Variants in FRY observed in about 807,000 individuals in gnomAD.
The protein encoded by FRY is protein furry homolog.
A neutral mutation model predicts 348.4 loss-of-function variants in FRY; 128 were observed. The ratio of observed to expected loss-of-function variants is 0.37; its 90% CI spans 0.32 to 0.43. The LOEUF (loss-of-function observed/expected upper bound fraction) is 0.43, where lower values mean the gene tolerates loss of function less well. Ranked by LOEUF, FRY falls within the 20% of genes least tolerant of loss-of-function variation. FRY has a pLI of 1.00. For synonymous variants in FRY, 1,370 were observed against 1,374.7 expected (o/e 1.00, Z 0.08); for missense variants, 2,736 against 3,695.2 (o/e 0.74, Z 6.73).
Position 32,157,393 on chromosome 13 carries a change from A to G in FRY, c.1772A>G (p.Glu591Gly). ...GTACAGATGTTAAACAAAGAACCGG[A>G]AGACATGATCACGTGAGTACAGTAA... is the stretch of plus-strand genomic sequence containing the variant. The part of the protein sequence containing the change: ...TNVQMLNKEP[E>G]DMITGERKPK... Residue 591 changes from glutamate to glycine, a missense_variant, in exon 16 of 61, where the codon GAA (glutamate) becomes GGA (glycine). By Grantham distance (98) the Glu-to-Gly change is moderately conservative. Transcript: ENST00000542859. 6.2e-7 allele frequency: 1 copy of G among 1,613,550 alleles called. No homozygotes were observed. The highest frequency in any genetic ancestry group is 8.5e-7 in the Non-Finnish European group (1 of 1,179,596).
Position 32,032,013 on chromosome 13 carries a change from CTTTCTTTCTT to C in FRY, c.70+160_70+169del, listed in dbSNP as rs1426071352. 31 of 615,046 alleles carry C rather than the reference CTTTCTTTCTT, an allele frequency of 5.0e-5. 1 individual carries two copies. Among genetic ancestry groups the C allele is most frequent in the Middle Eastern group, 4.3e-4 (1 of 2,348 alleles). The allele number at this position is 615,046 out of a possible 1,614,324, so 38.1% of individuals were successfully genotyped here. ...TCTTTTCTTTTCTCTTTCTTTCTTTCTTTCTTTCTTTTTCTTTCTTTCTTTCTTTCTTTTT... is the reference window on the plus strand; with the variant it reads ...TCTTTTCTTTTCTCTTTCTTTCTTTCTTTCTTTCTTTCTTTCTTTCTTTTT... On this transcript the variant is annotated intron_variant, in intron 1 of 60. Coordinates refer to ENST00000542859, the MANE Select transcript of FRY (RefSeq NM_023037.3).
At chr13:32,111,767 T>G (rs1163614136) in intron 3 of FRY, among the ~76,000 whole-genome samples, 1 of 152,200 alleles carries the variant, frequency 6.6e-6, no homozygotes, top group East Asian at 1.9e-4. Context: ...CTCAACACTT[T>G]TCTCAGAGTG....
chr13:32,258,610 C>G (rs1329566208), intron 51 of FRY, among the ~76,000 whole-genome samples: 1 of 59,838 alleles, frequency 1.7e-5, no homozygotes, highest in African/African-American at 4.1e-5. Context: ...AAGACTCTGT[C>G]TCAAAAAAAA....
chr13:32,222,583 A>G (rs1365061646), intron 36 of FRY, among the ~76,000 whole-genome samples: 2 of 152,202 alleles, frequency 1.3e-5, no homozygotes, highest in Admixed American at 1.3e-4. Context: ...TAAGGAGGCC[A>G]TTGCAGTGGC....
chr13:32,085,967 C>T (rs539057430), intron 2 of FRY: 9 of 518,954 alleles, frequency 1.7e-5, no homozygotes, highest in African/African-American at 5.8e-5. Flanking sequence ...ACACCCCCAA[C>T]GATCTCACTG....
intron 11 of FRY, among the ~76,000 whole-genome samples, chr13:32,142,854 G>A (rs1355529633): frequency 6.6e-6 from 1 of 152,176 alleles, no homozygotes; most frequent in Non-Finnish European, 1.5e-5. Flanking sequence ...AGAATGCCTG[G>A]AACTCACTGT....
chr13:32,185,207 T>C (rs1882958206), intron 26 of FRY, 59 bp downstream of exon 26: 4 of 1,477,526 alleles, frequency 2.7e-6, no homozygotes, highest in Non-Finnish European at 3.8e-6. Context: ...TCGTGTTCTT[T>C]ATTACGGTGC....
At chr13:32,145,912 GC>G (rs1444085834) in intron 11 of FRY, among the ~76,000 whole-genome samples, 2 of 152,100 alleles carry the variant, frequency 1.3e-5, no homozygotes, top group African/African-American at 4.8e-5. Context: ...TCCCCATGCT[GC>G]AGACATTGGA....
intron 1 of FRY, among the ~76,000 whole-genome samples, chr13:32,059,921 G>T (rs753551459): frequency 2.0e-4 from 31 of 152,324 alleles, no homozygotes; most frequent in Non-Finnish European, 4.1e-4. Context: ...GTAAAATGCA[G>T]GAGTAGCATG....
chr13:32,252,557 A>G (rs1393912116), intron 50 of FRY, among the ~76,000 whole-genome samples: 1 of 152,232 alleles, frequency 6.6e-6, no homozygotes, highest in Non-Finnish European at 1.5e-5. Flanking sequence ...TATAACAAAA[A>G]CAATAGAAGT....
chr13:32,293,224 A>G (rs1007307870), intron 59 of FRY, among the ~76,000 whole-genome samples: 2 of 152,240 alleles, frequency 1.3e-5, no homozygotes, highest in Non-Finnish European at 2.9e-5. Context: ...AATAATGTAT[A>G]TATACACACA....
chr13:32,131,576 C>A, intron 7 of FRY, 96 bp from the exon 8 acceptor site: 1 of 830,000 alleles, frequency 1.2e-6, no homozygotes. Context: ...TTAAAGGATT[C>A]CATTGCTCTG....
At chr13:32,117,522 A>G (rs778996844) in intron 4 of FRY, 49 bp downstream of exon 4, 2 of 1,588,902 alleles carry the variant, frequency 1.3e-6, no homozygotes, top group Non-Finnish European at 1.7e-6. Flanking sequence ...TTTTGTTTTC[A>G]GGAAACATAA....
intron 3 of FRY, among the ~76,000 whole-genome samples, chr13:32,105,068 G>A (rs1877449137): frequency 6.6e-6 from 1 of 152,238 alleles, no homozygotes; most frequent in South Asian, 2.1e-4. Flanking sequence ...TGTAGATTCA[G>A]TGGGGAAAAA....
At chr13:32,036,008 C>A (rs1872493540) in intron 1 of FRY, among the ~76,000 whole-genome samples, 1 of 152,004 alleles carries the variant, frequency 6.6e-6, no homozygotes, top group Non-Finnish European at 1.5e-5. Context: ...AGCTCTGGGG[C>A]CAAAGAGAAA....
chr13:32,291,501 G>A (rs1169354969), intron 59 of FRY, among the ~76,000 whole-genome samples: 1 of 151,604 alleles, frequency 6.6e-6, no homozygotes, highest in Non-Finnish European at 1.5e-5. Context: ...CGCCTCCCAG[G>A]TTCAAGCGAT....
intron 28 of FRY, among the ~76,000 whole-genome samples, chr13:32,191,553 A>G (rs769396421): frequency 6.6e-6 from 1 of 152,218 alleles, no homozygotes; most frequent in Non-Finnish European, 1.5e-5. Context: ...ATAATCATGT[A>G]TCTTAGTCCA....
At chr13:32,160,766 C>CTA (rs1195074685) in intron 16 of FRY, among the ~76,000 whole-genome samples, 1 of 32,150 alleles carries the variant, frequency 3.1e-5, no homozygotes, top group East Asian at 7.4e-3. Context: ...AGGCACCATT[C>CTA]CATATATATA....
chr13:32,125,140 T>G (rs1014844741), intron 7 of FRY, among the ~76,000 whole-genome samples: 1 of 152,222 alleles, frequency 6.6e-6, no homozygotes, highest in African/African-American at 2.4e-5. Flanking sequence ...AGATTACATT[T>G]CTCTCTGCCT....
Sources: allele counts gnomAD v4.1 joint callset (sites outside exome capture counted in the v4.1 genomes callset), GRCh38; gene constraint gnomAD v4.1.1; transcripts MANE v1.5; gene names NCBI Gene and HGNC (gene_info 2026-07-23, HGNC 2026-07-21).